PCSK5: variants seen among roughly 807,000 people sequenced by gnomAD.
PCSK5 encodes proprotein convertase subtilisin/kexin type 5.
In PCSK5, 129 loss-of-function variants were observed where a neutral mutation model predicts 233.2. The observed-to-expected ratio is 0.55, with a 90% CI of 0.48 to 0.64. PCSK5 has a LOEUF of 0.64. Among genes scored for constraint, PCSK5 ranks in the 30% least tolerant of loss-of-function variants. The pLI, the probability that PCSK5 is intolerant of heterozygous loss-of-function variation, is 0.00. For missense variants in PCSK5, 2,076 were observed against 2,430.1 expected, an observed-to-expected ratio of 0.85 and a Z score of 3.06; for synonymous variants, 825 against 879.2, an observed-to-expected ratio of 0.94 and a Z score of 1.09.
At chr9:76,201,702 A>G (rs1824921769) in intron 20 of PCSK5, among the ~76,000 whole-genome samples, 1 of 152,210 alleles carries the variant, frequency 6.6e-6, no homozygotes, top group South Asian at 2.1e-4. Flanking sequence ...AAAGTTAGTA[A>G]CAACCAATGG....
chr9:76,062,863 C>T (rs1830078930), intron 5 of PCSK5, among the ~76,000 whole-genome samples: 1 of 152,070 alleles, frequency 6.6e-6, no homozygotes, highest in Admixed American at 6.5e-5. Context: ...TAACTATTAT[C>T]ATTCTATTAT....
Position 76,127,752 on chromosome 9 carries a change from C to A in PCSK5, c.1209-6357C>A, listed in dbSNP as rs576794554. ...CAGTAGGTTCCTAATCTCAATAAAT[C>A]ATCATGACGCTTGTCTTTGGTAGCC... On this transcript the variant is annotated intron_variant, in intron 9 of 37. Transcript: ENST00000674117. 2.0e-5 allele frequency among the ~76,000 whole-genome samples: 3 copies of A among 152,296 alleles called. No individual in the cohort carries two copies. The South Asian group carries it at 6.2e-4, about 32-fold the overall frequency.
intron 9 of PCSK5, among the ~76,000 whole-genome samples, chr9:76,125,128 A>G (rs1412537153): frequency 2.0e-5 from 3 of 152,104 alleles, no homozygotes; most frequent in African/African-American, 7.3e-5. Flanking sequence ...AATTTAAAAA[A>G]AAAACTGGCT....
chr9:76,262,206 G>C (rs1352298878), intron 24 of PCSK5, among the ~76,000 whole-genome samples: 1 of 152,052 alleles, frequency 6.6e-6, no homozygotes, highest in Admixed American at 6.5e-5. Flanking sequence ...ACTGCCCAAG[G>C]TAATTTATAG....
chr9:75,959,566 C>A (rs1233161895), intron 2 of PCSK5, among the ~76,000 whole-genome samples: 1 of 152,172 alleles, frequency 6.6e-6, no homozygotes, highest in Non-Finnish European at 1.5e-5. Flanking sequence ...CTGCTCCCTA[C>A]CCAGATTGGA....
chr9:76,201,358 C>T (rs940197767), intron 20 of PCSK5, among the ~76,000 whole-genome samples: 7 of 152,150 alleles, frequency 4.6e-5, no homozygotes, highest in Non-Finnish European at 8.8e-5. Flanking sequence ...TTATTTAATT[C>T]AGTACTTCCA....
rs1826229047 is a variant in PCSK5, at chr9:76,235,620, C to G, written c.2866+2024C>G. Among the ~76,000 whole-genome samples the G allele has an allele frequency of 1.3e-5, 2 of 152,158 alleles. 1 individual carries two copies. Among genetic ancestry groups the G allele is most frequent in the Admixed American group, 1.3e-4 (2 of 15,274 alleles). On this transcript the variant is annotated intron_variant, in intron 22 of 37. Transcript: ENST00000674117. ...CATGATACTCATGTTCAAGGAATTA[C>G]AGTCTAACAAGGAGGTTTGTCCTCA...
intron 30 of PCSK5, 52 bp from the exon 31 acceptor site, chr9:76,321,370 C>A (rs1829196236): frequency 4.1e-6 from 4 of 973,754 alleles, no homozygotes; most frequent in South Asian, 2.6e-5. Context: ...AGGAATGAGT[C>A]ACTTCTCCAG....
At chr9:76,007,199 C>T (rs1344200535) in intron 3 of PCSK5, among the ~76,000 whole-genome samples, 1 of 152,060 alleles carries the variant, frequency 6.6e-6, no homozygotes, top group Non-Finnish European at 1.5e-5. Flanking sequence ...TTTGTTCTGT[C>T]CATATATTTT....
In PCSK5 at chr9:76,354,197, C is replaced by T; in HGVS notation, c.5232C>T (p.Cys1744=). Residue 1744 remains cysteine (C), a synonymous_variant, in exon 37 of 38, where the codon TGC becomes TGT. Coordinates refer to ENST00000674117, the MANE Select transcript of PCSK5 (RefSeq NM_001372043.1). ...NTSDPPSAQE[C]CDCQDTTDEC... ...CTGATCCCCCCAGTGCCCAGGAGTGCTGTGACTGCCAGGACACCACGGGTG... is the reference window on the plus strand; with the variant it reads ...CTGATCCCCCCAGTGCCCAGGAGTGTTGTGACTGCCAGGACACCACGGGTG... 6.3e-7 allele frequency: 1 copy of T among 1,584,692 alleles called. No homozygotes were observed. Among genetic ancestry groups the T allele is most frequent in the Non-Finnish European group, 8.6e-7 (1 of 1,166,234 alleles).
intron 1 of PCSK5, among the ~76,000 whole-genome samples, 154 bp downstream of exon 1, chr9:75,891,527 GTACGCA>G (rs750525199): frequency 1.4e-5 from 1 of 72,204 alleles, no homozygotes; most frequent in Non-Finnish European, 2.6e-5. Flanking sequence ...GCGCGCGCGC[GTACGCA>G]CACACACACA....
chr9:76,134,595 A>G (rs1176372295), intron 10 of PCSK5, among the ~76,000 whole-genome samples: 3 of 152,038 alleles, frequency 2.0e-5, no homozygotes, highest in Non-Finnish European at 4.4e-5. Flanking sequence ...ACTGATATAT[A>G]TTGTTCACTT....
rs779301014 is a variant in PCSK5, at chr9:76,359,580, C to G, written c.*658C>G. ...TAGCTGAGGAGCCATGAGGTCACCC[C>G]AGGCCCTAGTTCCTCCGCAGGAATC... On this transcript the variant is annotated 3_prime_UTR_variant, in exon 38 of 38. Coordinates refer to ENST00000674117, the MANE Select transcript of PCSK5 (RefSeq NM_001372043.1). 1 of 152,212 alleles carries G rather than the reference C, an allele frequency of 6.6e-6. No homozygotes were observed. The highest frequency in any genetic ancestry group is 1.5e-5 in the Non-Finnish European group (1 of 68,116). 9.4% of individuals were successfully genotyped at this position (152,212 alleles called of 1,614,324 possible).
At chr9:75,991,227 G>C (rs1826755796) in intron 3 of PCSK5, among the ~76,000 whole-genome samples, 1 of 152,112 alleles carries the variant, frequency 6.6e-6, no homozygotes, top group Non-Finnish European at 1.5e-5. Flanking sequence ...GCTTCATAAA[G>C]GACAGGCATT....
At position 76,184,312 on chromosome 9, in the gene PCSK5, T is replaced by C. The variant is rs549046423; in HGVS notation, c.2198-361T>C. On this transcript the variant is annotated intron_variant, in intron 16 of 37. Coordinates refer to ENST00000674117, the MANE Select transcript of PCSK5 (RefSeq NM_001372043.1). ...TTTCAATCCCTATACAGTGATGTTGTCCCAGCTTCATGAGGGGGATTTGCA... is the reference window on the plus strand; with the variant it reads ...TTTCAATCCCTATACAGTGATGTTGCCCCAGCTTCATGAGGGGGATTTGCA... Among the ~76,000 whole-genome samples the C allele has an allele frequency of 1.4e-4, 22 of 152,006 alleles. No homozygotes were observed. The South Asian group carries it at 4.6e-3, about 32-fold the overall frequency.
intron 30 of PCSK5, among the ~76,000 whole-genome samples, chr9:76,311,725 G>T (rs1282479992): frequency 6.6e-6 from 1 of 152,148 alleles, no homozygotes; most frequent in African/African-American, 2.4e-5. Context: ...CAAAAATGCT[G>T]CAAGTCCAGT....
chr9:76,272,622 A>G (rs956551612), intron 24 of PCSK5, among the ~76,000 whole-genome samples: 1 of 151,524 alleles, frequency 6.6e-6, no homozygotes, highest in East Asian at 1.9e-4. Flanking sequence ...AAAATACAAA[A>G]AAATTAGCTG....
intron 4 of PCSK5, among the ~76,000 whole-genome samples, chr9:76,025,400 GGAGAGAGA>G (rs34224740): frequency 2.0e-5 from 3 of 148,510 alleles, no homozygotes; most frequent in Non-Finnish European, 1.5e-5. Context: ...AAAAAAATGA[GGAGAGAGA>G]GAGAGAGAGA....
chr9:75,925,965 C>A (rs1823466848), intron 1 of PCSK5, among the ~76,000 whole-genome samples: 1 of 152,128 alleles, frequency 6.6e-6, no homozygotes, highest in African/African-American at 2.4e-5. Context: ...AAGTTTCGGA[C>A]TTTTCAGTTT....
Sources: allele counts gnomAD v4.1 joint callset (sites outside exome capture counted in the v4.1 genomes callset), GRCh38; gene constraint gnomAD v4.1.1; transcripts MANE v1.5; gene names NCBI Gene and HGNC (gene_info 2026-07-23, HGNC 2026-07-21).